SLIT2: variants seen among roughly 807,000 people sequenced by gnomAD.
The protein encoded by SLIT2 is slit homolog 2 protein.
Under a neutral mutation model 185.7 loss-of-function variants are expected in SLIT2, and 41 were observed. The ratio of observed to expected loss-of-function variants is 0.22; its 90% CI spans 0.17 to 0.29. SLIT2 has a LOEUF of 0.29. Ranked by LOEUF, SLIT2 falls within the 10% of genes least tolerant of loss-of-function variation. The pLI is 1.00. For missense variants in SLIT2, 1,571 were observed against 1,909.0 expected (o/e 0.82, Z 3.30); for synonymous variants, 693 against 680.2 (o/e 1.02, Z -0.29).
At chr4:20,472,294 A>C (rs1200873529) in intron 5 of SLIT2, among the ~76,000 whole-genome samples, 1 of 37,240 alleles carries the variant, frequency 2.7e-5, no homozygotes, top group African/African-American at 1.6e-4. Flanking sequence ...ATAGATATAT[A>C]GATATATAGA....
chr4:20,472,540 C>CGATATAGATA (rs576120139), intron 5 of SLIT2, among the ~76,000 whole-genome samples: 4 of 9,488 alleles, frequency 4.2e-4, no homozygotes, highest in Non-Finnish European at 6.3e-4. Context: ...ATAGATATAT[C>CGATATAGATA]TATATCTATA....
chr4:20,550,831 C>G lies in SLIT2; in HGVS notation c.2494C>G (p.Leu832Val), dbSNP rs777317760. 6.2e-7 allele frequency: 1 copy of G among 1,601,010 alleles called. No individual in the cohort carries two copies. Among genetic ancestry groups the G allele is most frequent in the Non-Finnish European group, 8.5e-7 (1 of 1,170,034 alleles). ...TTTTCTTTTTCTTTCTTTTAGTTCT[C>G]TACATGGAAATGACATTTCTGTTGT... Reference protein sequence around the residue: ...DGLKSLRLLSLHGNDISVVPE... With the variant: ...DGLKSLRLLSVHGNDISVVPE... The change falls in exon 25 of 37, where the codon CTA (leucine) becomes GTA (valine). Residue 832 changes from leucine to valine, a missense_variant. Leu to Val is a conservative substitution (Grantham distance 32). This residue lies in a region of SLIT2 where 1,202 missense variants were observed against 1,416.4 expected (regional missense o/e 0.85). Coordinates refer to ENST00000504154, the MANE Select transcript of SLIT2 (RefSeq NM_004787.4).
chr4:20,459,066 T>C (rs1039520737), intron 4 of SLIT2, among the ~76,000 whole-genome samples: 3 of 152,026 alleles, frequency 2.0e-5, no homozygotes, highest in African/African-American at 7.2e-5. Context: ...ATGAAAGAGA[T>C]TATTATTACT....
intron 4 of SLIT2, among the ~76,000 whole-genome samples, chr4:20,349,115 T>C (rs1721664706): frequency 6.6e-6 from 1 of 152,192 alleles, no homozygotes; most frequent in Non-Finnish European, 1.5e-5. Flanking sequence ...CTATTACATA[T>C]AGGAATTCGG....
intron 4 of SLIT2, among the ~76,000 whole-genome samples, chr4:20,277,963 A>G (rs1714330683): frequency 6.6e-6 from 1 of 151,944 alleles, no homozygotes; most frequent in South Asian, 2.1e-4. Context: ...TGTAATGTGT[A>G]CTGTCAAGAG....
chr4:20,518,182 TATACATATAC>T lies in SLIT2; in HGVS notation c.1059-1186_1059-1177del, dbSNP rs1230249397. On this transcript the variant is annotated intron_variant, in intron 11 of 36. Coordinates refer to ENST00000504154, the MANE Select transcript of SLIT2 (RefSeq NM_004787.4). ...ACATACATATACATATATTTATATA[TATACATATAC>T]ATACATATACATATATTTATATATA... is the stretch of plus-strand genomic sequence containing the variant. 2.3e-3 allele frequency among the ~76,000 whole-genome samples: 319 copies of T among 140,968 alleles called. 6 individuals are homozygous for T. Among genetic ancestry groups the T allele is most frequent in the African/African-American group, 8.0e-3 (292 of 36,588 alleles). 92.5% of individuals were successfully genotyped at this position (140,968 alleles called of 152,430 possible).
At chr4:20,514,621 G>C (rs987426964) in intron 11 of SLIT2, among the ~76,000 whole-genome samples, 1 of 151,904 alleles carries the variant, frequency 6.6e-6, no homozygotes, top group Non-Finnish European at 1.5e-5. Flanking sequence ...CTCCAGCCTG[G>C]GCAACCAAGT....
In SLIT2 at chr4:20,480,919, T is replaced by C. The variant is rs536252493; in HGVS notation, c.539+132T>C. On this transcript the variant is annotated intron_variant, in intron 6 of 36. Transcript: ENST00000504154. The stretch of plus-strand genomic sequence containing the variant: ...CTCAAGAGATACCTTAAATAACTCA[T>C]GGTGAATACAGAGAAGAGTCTAAAT... 14 of 688,288 alleles carry C rather than the reference T, an allele frequency of 2.0e-5. No individual in the cohort carries two copies. The South Asian group carries it at 2.4e-4, about 12-fold the overall frequency. The allele number at this position is 688,288 out of a possible 1,614,324, so 42.6% of individuals were successfully genotyped here.
In SLIT2 at chr4:20,541,601, G is replaced by T; in HGVS notation, c.2125G>T (p.Asp709Tyr). The T allele has an allele frequency of 6.2e-7, 1 of 1,613,960 alleles. No individual in the cohort carries two copies. Among genetic ancestry groups the T allele is most frequent in the South Asian group, 1.1e-5 (1 of 91,048 alleles). The change falls in exon 20 of 37, where the codon GAC becomes TAC. Residue 709 changes from aspartate (D) to tyrosine (Y), a missense_variant. Physicochemically the swap from Asp to Tyr is radical, Grantham distance 160. This residue lies in a region of SLIT2 where 1,202 missense variants were observed against 1,416.4 expected (regional missense o/e 0.85). Coordinates refer to ENST00000504154, the MANE Select transcript of SLIT2 (RefSeq NM_004787.4). Reference sequence around the variant, plus strand: ...ACCCATCCAGGATGTGGCCATTCAGGACTTCACTTGTGATGACGGTAAGAA... The same window carrying T: ...ACCCATCCAGGATGTGGCCATTCAGTACTTCACTTGTGATGACGGTAAGAA... ...EIPIQDVAIQ[D>Y]FTCDDGNDDN... is the part of the protein sequence containing the mutation.
intron 5 of SLIT2, among the ~76,000 whole-genome samples, chr4:20,475,154 G>T (rs181217991): frequency 2.0e-3 from 310 of 152,154 alleles, no homozygotes; most frequent in Non-Finnish European, 3.1e-3. Context: ...GAAGCTCTTT[G>T]CTCAAGCCAG....
intron 4 of SLIT2, among the ~76,000 whole-genome samples, chr4:20,315,485 A>G (rs1162154403): frequency 2.0e-5 from 3 of 152,098 alleles, no homozygotes; most frequent in East Asian, 1.9e-4. Context: ...AAATTTGAAG[A>G]TACTTTATGA....
chr4:20,511,098 C>G lies in SLIT2; in HGVS notation c.1019C>G (p.Ala340Gly). Residue 340 changes from alanine (A) to glycine (G), a missense_variant, in exon 11 of 37, where the codon GCA becomes GGA. By Grantham distance (60) the Ala-to-Gly change is moderately conservative. This residue lies in a region of SLIT2 where 1,202 missense variants were observed against 1,416.4 expected (regional missense o/e 0.85). Transcript: ENST00000504154. The stretch of plus-strand genomic sequence containing the variant: ...AGCAATAATCAGATCTCTGAACTTG[C>G]ACCAGATGCTTTCCAAGGACTACGC... Reference protein sequence around the residue: ...DLSNNQISELAPDAFQGLRSL... With the variant: ...DLSNNQISELGPDAFQGLRSL... The G allele has an allele frequency of 6.2e-7, 1 of 1,607,908 alleles. No homozygotes were observed. Among genetic ancestry groups the G allele is most frequent in the Non-Finnish European group, 8.5e-7 (1 of 1,175,072 alleles).
chr4:20,312,366 G>T (rs1718185491), intron 4 of SLIT2, among the ~76,000 whole-genome samples: 1 of 152,080 alleles, frequency 6.6e-6, no homozygotes, highest in Admixed American at 6.6e-5. Flanking sequence ...ACTGAGAACA[G>T]ATTATTTTAG....
At chr4:20,388,667 G>C (rs965063730) in intron 4 of SLIT2, among the ~76,000 whole-genome samples, 1 of 151,412 alleles carries the variant, frequency 6.6e-6, no homozygotes, top group African/African-American at 2.4e-5. Context: ...CCAACTACTT[G>C]GGAGGCTGAA....
rs773110338 is a variant in SLIT2 at position 20,528,351 on chromosome 4, T to G, written c.1463-598T>G. 1 of 534,550 alleles carries G rather than the reference T, an allele frequency of 1.9e-6. No individual in the cohort carries two copies. Among genetic ancestry groups the G allele is most frequent in the South Asian group, 1.4e-5 (1 of 71,554 alleles). The allele number at this position is 534,550 out of a possible 1,614,324, so 33.1% of individuals were successfully genotyped here. On this transcript the variant is annotated intron_variant, in intron 15 of 36. Coordinates refer to ENST00000504154, the MANE Select transcript of SLIT2 (RefSeq NM_004787.4). The surrounding 1 kb of genome is among the most constrained non-coding windows in gnomAD (Gnocchi z 4.2). Reference sequence around the variant, plus strand: ...GAGGTATGAGTAAAACATGGTTCCGTCAAGCACCATGGAACGTCACGCAGC... The same window carrying G: ...GAGGTATGAGTAAAACATGGTTCCGGCAAGCACCATGGAACGTCACGCAGC...
intron 4 of SLIT2, among the ~76,000 whole-genome samples, chr4:20,378,720 A>G (rs1468772737): frequency 2.0e-5 from 3 of 151,996 alleles, no homozygotes; most frequent in Non-Finnish European, 1.5e-5. Flanking sequence ...TACTAAGCTA[A>G]ACATCTCTGG....
intron 20 of SLIT2, 41 bp from the exon 21 acceptor site, chr4:20,542,453 A>C: frequency 6.2e-7 from 1 of 1,608,604 alleles, no homozygotes; most frequent in Non-Finnish European, 8.5e-7. Context: ...CACCTTCAAG[A>C]CCACAAATCT....
At chr4:20,609,899 A>T in intron 33 of SLIT2, 114 bp from the exon 34 acceptor site, 1 of 898,440 alleles carries the variant, frequency 1.1e-6, no homozygotes, top group Non-Finnish European at 1.6e-6. Flanking sequence ...TATCTTCATT[A>T]GTGTTAGATT....
intron 4 of SLIT2, among the ~76,000 whole-genome samples, chr4:20,421,071 GGA>G (rs1460153270): frequency 3.9e-5 from 6 of 152,166 alleles, no homozygotes; most frequent in African/African-American, 1.2e-4. Flanking sequence ...ACTGGTACCT[GGA>G]GGTAGAATGG....
Sources: allele counts gnomAD v4.1 joint callset (sites outside exome capture counted in the v4.1 genomes callset), GRCh38; gene constraint gnomAD v4.1.1; regional missense constraint gnomAD v4.1.1; non-coding constraint Gnocchi (gnomAD v3.1); transcripts MANE v1.5; gene names NCBI Gene and HGNC (gene_info 2026-07-23, HGNC 2026-07-21).